The following GRIK1 variants were observed in gnomAD, a reference collection of about 807,000 sequenced individuals.
GRIK1 encodes the protein glutamate ionotropic receptor kainate type subunit 1, also known as glutamate receptor ionotropic, kainate 1.
A neutral mutation model predicts 105.7 loss-of-function variants in GRIK1; 69 were observed. The observed-to-expected ratio is 0.65, with a 90% CI of 0.54 to 0.80. GRIK1 has a LOEUF of 0.80. Among genes scored for constraint, GRIK1 ranks in the 30% least tolerant of loss-of-function variants. The pLI is 0.00. For synonymous variants in GRIK1, 438 were observed against 431.3 expected (o/e 1.02, Z -0.19); for missense variants, 1,109 against 1,167.3 (o/e 0.95, Z 0.73).
At chr21:29,847,112 C>A (rs1244435121) in intron 1 of GRIK1, among the ~76,000 whole-genome samples, 1 of 152,088 alleles carries the variant, frequency 6.6e-6, no homozygotes. Flanking sequence ...CTTTAATGAA[C>A]CATTTTCCTC....
intron 16 of GRIK1, among the ~76,000 whole-genome samples, chr21:29,544,832 G>A (rs1264411260): frequency 6.6e-6 from 1 of 152,232 alleles, no homozygotes; most frequent in Non-Finnish European, 1.5e-5. Flanking sequence ...AAGGAGAAAA[G>A]TTCAATCAGG....
intron 1 of GRIK1, chr21:29,748,429 G>C (rs1046455549): frequency 8.5e-5 from 13 of 152,192 alleles, no homozygotes; most frequent in African/African-American, 3.1e-4. Flanking sequence ...GAAATTTCCT[G>C]AGTAGCTTAA....
intron 1 of GRIK1, among the ~76,000 whole-genome samples, chr21:29,812,795 T>C (rs1476607557): frequency 6.6e-6 from 1 of 152,182 alleles, no homozygotes; most frequent in Non-Finnish European, 1.5e-5. Context: ...TGTGTCTCAT[T>C]AAAAGGTCTG....
intron 1 of GRIK1, among the ~76,000 whole-genome samples, chr21:29,867,898 G>GAGAGAA (rs1320835745): frequency 1.2e-4 from 15 of 123,660 alleles, no homozygotes; most frequent in African/African-American, 3.6e-4. Flanking sequence ...GAGAGAGAGA[G>GAGAGAA]AGAGAAAGAA....
intron 1 of GRIK1, among the ~76,000 whole-genome samples, chr21:29,781,553 C>A (rs1490041567): frequency 2.6e-5 from 4 of 151,704 alleles, no homozygotes; most frequent in South Asian, 2.1e-4. Flanking sequence ...TTGTTGTATG[C>A]ACTTTTAAAC....
chr21:29,896,452 G>A (rs529577295), intron 1 of GRIK1, among the ~76,000 whole-genome samples: 11 of 152,132 alleles, frequency 7.2e-5, no homozygotes, highest in South Asian at 2.1e-4. Flanking sequence ...TTTGAAGATG[G>A]GGAATTTTGT....
intron 1 of GRIK1, among the ~76,000 whole-genome samples, chr21:29,756,046 C>G (rs1601610773): frequency 6.6e-6 from 1 of 152,248 alleles, no homozygotes; most frequent in South Asian, 2.1e-4. Context: ...GTGGATGCCT[C>G]AAAGAACATT....
intron 1 of GRIK1, among the ~76,000 whole-genome samples, chr21:29,932,876 A>G (rs148018865): frequency 2.8e-4 from 43 of 151,922 alleles, no homozygotes; most frequent in African/African-American, 9.9e-4. Flanking sequence ...TAAGTCTAAT[A>G]TGAATTTTCA....
chr21:29,930,696 A>T (rs975778109), intron 1 of GRIK1, among the ~76,000 whole-genome samples: 1 of 152,224 alleles, frequency 6.6e-6, no homozygotes, highest in Non-Finnish European at 1.5e-5. Flanking sequence ...ATGCTAATGG[A>T]TAGGAACAAC....
At chr21:29,805,243 A>G (rs1355444481) in intron 1 of GRIK1, among the ~76,000 whole-genome samples, 2 of 152,148 alleles carry the variant, frequency 1.3e-5, no homozygotes, top group African/African-American at 4.8e-5. Context: ...TCACTCATTC[A>G]CAAATCATGT....
At chr21:29,882,913 C>A (rs565120689) in intron 1 of GRIK1, among the ~76,000 whole-genome samples, 1 of 152,148 alleles carries the variant, frequency 6.6e-6, no homozygotes, top group East Asian at 1.9e-4. Flanking sequence ...TAACCAGGGG[C>A]TGCAACTTGC....
intron 1 of GRIK1, among the ~76,000 whole-genome samples, chr21:29,711,895 AAAG>A (rs2064058447): frequency 6.6e-6 from 1 of 151,412 alleles, no homozygotes; most frequent in African/African-American, 2.4e-5. Context: ...CTGAAAATAA[AAAG>A]AAAACTTGTG....
intron 1 of GRIK1, among the ~76,000 whole-genome samples, chr21:29,783,787 T>C (rs1050380521): frequency 6.6e-6 from 1 of 152,240 alleles, no homozygotes; most frequent in Non-Finnish European, 1.5e-5. Context: ...TTTCTTATAA[T>C]TTTAACTTTA....
chr21:29,939,235 T>A, intron 1 of GRIK1, 148 bp downstream of exon 1: 1 of 563,810 alleles, frequency 1.8e-6, no homozygotes. Context: ...TCCCCCTTTT[T>A]TGTGTAGCCT....
At chr21:29,635,454 C>A (rs1277334582) in intron 7 of GRIK1, among the ~76,000 whole-genome samples, 1 of 152,192 alleles carries the variant, frequency 6.6e-6, no homozygotes, top group Non-Finnish European at 1.5e-5. Flanking sequence ...CACTTTCTAA[C>A]ACCACTCCTG....
chr21:29,767,159 G>T (rs2065687877), intron 1 of GRIK1, among the ~76,000 whole-genome samples: 1 of 152,166 alleles, frequency 6.6e-6, no homozygotes, highest in South Asian at 2.1e-4. Flanking sequence ...GAAAGAAAAT[G>T]AGAAAAATCA....
chr21:29,729,294 C>T lies in GRIK1; in HGVS notation c.119-35231G>A, dbSNP rs138686913. On this transcript the variant is annotated intron_variant, in intron 1 of 17. Transcript: ENST00000327783. ...CTTATTATTTCATGCCGGAAGAAGC[C>T]CTAGTCAGCAGAAAAGTCAAAAAAA... 8.8e-4 allele frequency among the ~76,000 whole-genome samples: 134 copies of T among 152,102 alleles called. 1 individual carries two copies. The highest frequency in any genetic ancestry group is 3.4e-3 in the Middle Eastern group (1 of 294).
chr21:29,763,829 A>G (rs2065590251), intron 1 of GRIK1: 1 of 152,172 alleles, frequency 6.6e-6, no homozygotes, highest in African/African-American at 2.4e-5. Flanking sequence ...GTTATACACA[A>G]TTTGATTTAA....
chr21:29,896,363 C>T (rs1342308071), intron 1 of GRIK1, among the ~76,000 whole-genome samples: 1 of 152,148 alleles, frequency 6.6e-6, no homozygotes, highest in Non-Finnish European at 1.5e-5. Flanking sequence ...TTCATTCTTT[C>T]CCCTTAGCAT....
Sources: allele counts gnomAD v4.1 joint callset (sites outside exome capture counted in the v4.1 genomes callset), GRCh38; gene constraint gnomAD v4.1.1; transcripts MANE v1.5; gene names NCBI Gene and HGNC (gene_info 2026-07-23, HGNC 2026-07-21).